ANAPC1: variants seen among roughly 807,000 people sequenced by gnomAD.
ANAPC1 encodes the protein anaphase-promoting complex subunit 1.
A neutral mutation model predicts 208.0 loss-of-function variants in ANAPC1; 36 were observed. The observed-to-expected ratio is 0.17, with a 90% CI of 0.13 to 0.23. The LOEUF (loss-of-function observed/expected upper bound fraction) is 0.23, where lower values mean the gene tolerates loss of function less well. ANAPC1 is among the 10% of genes least tolerant of loss of function. The pLI, the probability that ANAPC1 is intolerant of heterozygous loss-of-function variation, is 1.00. For missense variants in ANAPC1, 942 were observed against 2,011.6 expected, an observed-to-expected ratio of 0.47 and a Z score of 10.17; for synonymous variants, 378 against 695.2, an observed-to-expected ratio of 0.54 and a Z score of 7.18.
chr2:111,879,840 C>A (rs1683204973), intron 2 of ANAPC1, among the ~76,000 whole-genome samples: 1 of 151,820 alleles, frequency 6.6e-6, no homozygotes, highest in Admixed American at 6.6e-5. Context: ...CCATTGCACT[C>A]CAGCCTGGGC....
chr2:111,830,133 C>A (rs1680055891), intron 21 of ANAPC1, among the ~76,000 whole-genome samples: 1 of 151,932 alleles, frequency 6.6e-6, no homozygotes, highest in Non-Finnish European at 1.5e-5. Flanking sequence ...GGAGGAGTAA[C>A]GCTAATCAAT....
At chr2:111,823,896 G>C (rs1381540931) in intron 24 of ANAPC1, among the ~76,000 whole-genome samples, 4 of 147,256 alleles carry the variant, frequency 2.7e-5, no homozygotes, top group African/African-American at 7.4e-5. Flanking sequence ...ATTTCTAGGG[G>C]TGGGTGACCA....
Position 111,864,960 on chromosome 2 carries a change from T to C in ANAPC1, c.686-9A>G, listed in dbSNP as rs1330780336. On this transcript the variant is annotated splice_polypyrimidine_tract_variant and intron_variant, in intron 7 of 47. Coordinates refer to ENST00000341068, the MANE Select transcript of ANAPC1 (RefSeq NM_022662.4). ...TGATGAACCAAAAAGACCTTAAAAA[T>C]AAAATAGAAAAATCAGGTATAGAAC... 1.2e-6 allele frequency: 2 copies of C among 1,605,422 alleles called. No homozygotes were observed. Among genetic ancestry groups the C allele is most frequent in the Admixed American group, 3.4e-5 (2 of 58,332 alleles).
rs184359308 is a variant in ANAPC1 at position 111,837,378 on chromosome 2, T to G, written c.2115+1060A>C. 4.3e-3 allele frequency among the ~76,000 whole-genome samples: 647 copies of G among 152,196 alleles called. 4 individuals are homozygous for G. Among genetic ancestry groups the G allele is most frequent in the African/African-American group, 0.015 (626 of 41,524 alleles). ...GGCTCATGCCTGTAATCCCAGAACTTTGGGAGGCCGAGGTGGGCAGATCAC... is the reference window on the plus strand; with the variant it reads ...GGCTCATGCCTGTAATCCCAGAACTGTGGGAGGCCGAGGTGGGCAGATCAC... On this transcript the variant is annotated intron_variant, in intron 18 of 47. Transcript: ENST00000341068.
chr2:111,839,175 T>C (rs1459588022), intron 17 of ANAPC1, among the ~76,000 whole-genome samples: 2 of 152,194 alleles, frequency 1.3e-5, no homozygotes, highest in Admixed American at 6.5e-5. Context: ...AGTCAACCAA[T>C]GGCAATCTTT....
chr2:111,811,133 C>T (rs1054705782), intron 28 of ANAPC1, among the ~76,000 whole-genome samples: 5 of 152,040 alleles, frequency 3.3e-5, no homozygotes, highest in African/African-American at 1.2e-4. Flanking sequence ...GACCCTACAC[C>T]GGCCCCCAGT....
At chr2:111,860,096 G>A (rs954840573) in intron 10 of ANAPC1, among the ~76,000 whole-genome samples, 13 of 152,042 alleles carry the variant, frequency 8.6e-5, no homozygotes, top group Non-Finnish European at 1.8e-4. Flanking sequence ...CCAGGAGTTT[G>A]AGACCAGCCT....
At chr2:111,881,906 C>T (rs1182825992) in intron 1 of ANAPC1, among the ~76,000 whole-genome samples, 1 of 152,146 alleles carries the variant, frequency 6.6e-6, no homozygotes, top group Non-Finnish European at 1.5e-5. Context: ...ACCTCTGGAC[C>T]GGGTGCGGTG....
At position 111,785,522 on chromosome 2, in the gene ANAPC1, A is replaced by G. The variant is rs377425068; in HGVS notation, c.4800-45T>C. Reference sequence around the variant, plus strand: ...AGAGTGGGTAACAAACAACTGTGACAATATGAGCTCTGCAATCTGCCGTTG... The same window carrying G: ...AGAGTGGGTAACAAACAACTGTGACGATATGAGCTCTGCAATCTGCCGTTG... On this transcript the variant is annotated intron_variant, in intron 39 of 47. Transcript: ENST00000341068. 123 of 1,099,606 alleles carry G rather than the reference A, an allele frequency of 1.1e-4. No individual in the cohort carries two copies. The African/African-American group carries it at 1.7e-3, about 15-fold the overall frequency. The allele number at this position is 1,099,606 out of a possible 1,614,324, so 68.1% of individuals were successfully genotyped here. A position where few individuals can be genotyped will look rare whatever the true frequency, so the allele number is the denominator to read the frequency against.
chr2:111,812,290 C>G lies in ANAPC1; in HGVS notation c.3597+3080G>C, dbSNP rs1459837334. Reference sequence around the variant, plus strand: ...CTAGACTCTTAGAGCTTCAGAGAAGCAGGCAGCTTTACAGGTCACTGAGAC... The same window carrying G: ...CTAGACTCTTAGAGCTTCAGAGAAGGAGGCAGCTTTACAGGTCACTGAGAC... On this transcript the variant is annotated intron_variant, in intron 28 of 47. Transcript: ENST00000341068. Among the ~76,000 whole-genome samples the G allele has an allele frequency of 1.9e-3, 151 of 77,600 alleles. 1 individual carries two copies. The highest frequency in any genetic ancestry group is 7.6e-3 in the Middle Eastern group (1 of 132). 50.9% of individuals were successfully genotyped at this position (77,600 alleles called of 152,430 possible).
intron 15 of ANAPC1, 22 bp downstream of exon 15, chr2:111,847,703 G>A: frequency 7.1e-7 from 1 of 1,407,222 alleles, no homozygotes; most frequent in Non-Finnish European, 9.4e-7. Flanking sequence ...TTCTTGGAAA[G>A]CTACCAAATG....
rs762386104 is a variant in ANAPC1, at chr2:111,873,315, G to T, written c.521C>A (p.Pro174Gln). The change falls in exon 5 of 48, where the codon CCA (proline) becomes CAA (glutamine). Residue 174 changes from proline to glutamine, a missense_variant. By Grantham distance (76) the Pro-to-Gln change is moderately conservative. Transcript: ENST00000341068. ...TTTGAAACACTTGTTTACCTGAAAT[G>T]GTAATGAAGCTATGTAATCCTTTCC... is the stretch of plus-strand genomic sequence containing the variant. ...IEGKDYIASL[P>Q]FQVANVWPTK... 6.2e-6 allele frequency: 10 copies of T among 1,600,740 alleles called. No individual in the cohort carries two copies. The highest frequency in any genetic ancestry group is 8.5e-7 in the Non-Finnish European group (1 of 1,174,210).
chr2:111,826,533 T>C (rs1406113195), intron 21 of ANAPC1, among the ~76,000 whole-genome samples: 3 of 152,212 alleles, frequency 2.0e-5, no homozygotes, highest in Admixed American at 2.0e-4. Context: ...GGATCACTAG[T>C]TTCTTCCTTT....
chr2:111,806,897 TAA>T (rs1460853427), intron 29 of ANAPC1, among the ~76,000 whole-genome samples: 1 of 132,582 alleles, frequency 7.5e-6, no homozygotes, highest in African/African-American at 2.8e-5. Context: ...AAATGCAATT[TAA>T]AAAAAAAGAA....
At chr2:111,865,757 C>G (rs1573497419) in intron 7 of ANAPC1, 1 of 158,028 alleles carries the variant, frequency 6.3e-6, no homozygotes, top group Non-Finnish European at 1.4e-5. Context: ...AAAATATGAT[C>G]AATAATGGCT....
At chr2:111,822,164 C>A (rs2261553) in intron 25 of ANAPC1, among the ~76,000 whole-genome samples, 281 of 137,088 alleles carry the variant, frequency 2.0e-3, no homozygotes, top group Admixed American at 4.4e-3. Context: ...CCATGACTAC[C>A]CTCAGGACTT....
intron 16 of ANAPC1, among the ~76,000 whole-genome samples, chr2:111,845,025 T>C (rs1303182180): frequency 6.6e-6 from 1 of 152,184 alleles, no homozygotes; most frequent in African/African-American, 2.4e-5. Context: ...TTATTTTTCT[T>C]TTTGTAGAGA....
At position 111,880,678 on chromosome 2, in the gene ANAPC1, A is replaced by G; in HGVS notation, c.148T>C (p.Ser50Pro). The change falls in exon 2 of 48, where the codon TCT (serine) becomes CCT (proline). Residue 50 changes from serine (S) to proline (P), a missense_variant. Ser to Pro is a moderately conservative substitution (Grantham distance 74, BLOSUM62 -1). Transcript: ENST00000341068. ...RQLQPASELW[S>P]SDGAAGLVGS... Reference sequence around the variant, plus strand: ...ACCAAGCCAGCAGCACCATCAGAAGACCATAATTCAGAAGCTGGCTGCAGC... The same window carrying G: ...ACCAAGCCAGCAGCACCATCAGAAGGCCATAATTCAGAAGCTGGCTGCAGC... 1 of 1,613,618 alleles carries G rather than the reference A, an allele frequency of 6.2e-7. No homozygotes were observed. The highest frequency in any genetic ancestry group is 8.5e-7 in the Non-Finnish European group (1 of 1,179,860).
intron 46 of ANAPC1, among the ~76,000 whole-genome samples, chr2:111,775,733 A>C (rs1336543927): frequency 1.3e-4 from 20 of 152,118 alleles, no homozygotes; most frequent in Admixed American, 4.6e-4. Flanking sequence ...GAATCTGCAA[A>C]GATTTAAGGA....
Sources: allele counts gnomAD v4.1 joint callset (sites outside exome capture counted in the v4.1 genomes callset), GRCh38; gene constraint gnomAD v4.1.1; transcripts MANE v1.5; gene names NCBI Gene and HGNC (gene_info 2026-07-23, HGNC 2026-07-21).